GALNTL6: variants seen among roughly 807,000 people sequenced by gnomAD.
The protein encoded by GALNTL6 is polypeptide N-acetylgalactosaminyltransferase like 6.
In GALNTL6, 46 loss-of-function variants were observed where a neutral mutation model predicts 73.7. That is an observed-to-expected ratio of 0.62 (90% confidence interval 0.49 to 0.80). The LOEUF is 0.80. Ranked by LOEUF, GALNTL6 falls within the 30% of genes least tolerant of loss-of-function variation. The probability of loss-of-function intolerance (pLI) is 0.00; values close to 1 mark genes in which losing one functional copy is unlikely to be tolerated. For missense variants in GALNTL6, 604 were observed against 755.0 expected (o/e 0.80, Z 2.34); for synonymous variants, 259 against 263.7 (o/e 0.98, Z 0.17).
chr4:172,811,366 C>G (rs959386277), intron 6 of GALNTL6, among the ~76,000 whole-genome samples: 6 of 152,200 alleles, frequency 3.9e-5, no homozygotes, highest in African/African-American at 1.4e-4. Context: ...GACACATTCT[C>G]TTTGGGTCAC....
chr4:172,476,800 G>A (rs1162147005), intron 5 of GALNTL6, among the ~76,000 whole-genome samples: 2 of 152,022 alleles, frequency 1.3e-5, no homozygotes, highest in African/African-American at 4.8e-5. Flanking sequence ...TAATAAGGTA[G>A]AATATTTCTT....
At chr4:172,537,419 G>T (rs979162785) in intron 5 of GALNTL6, among the ~76,000 whole-genome samples, 2 of 152,110 alleles carry the variant, frequency 1.3e-5, no homozygotes, top group Admixed American at 1.3e-4. Flanking sequence ...TTTTATAAGG[G>T]GCTCCCCCAA....
chr4:172,424,170 A>T (rs538597424), intron 5 of GALNTL6, among the ~76,000 whole-genome samples: 8 of 152,234 alleles, frequency 5.3e-5, no homozygotes, highest in Admixed American at 4.6e-4. Flanking sequence ...ACATACTAAG[A>T]ACATTCAACT....
chr4:172,274,067 T>G (rs1029383742), intron 3 of GALNTL6, among the ~76,000 whole-genome samples: 25 of 152,212 alleles, frequency 1.6e-4, no homozygotes, highest in African/African-American at 5.5e-4. Flanking sequence ...TTTTTCTCAT[T>G]ATGTAGAAAA....
chr4:172,700,443 A>T (rs1024623341), intron 5 of GALNTL6, among the ~76,000 whole-genome samples: 4 of 152,168 alleles, frequency 2.6e-5, no homozygotes, highest in African/African-American at 9.6e-5. Flanking sequence ...GAATGGATGT[A>T]ATTGTAGAGG....
Position 172,159,377 on chromosome 4 carries a change from C to A in GALNTL6, c.139-70279C>A, listed in dbSNP as rs73870457. ...AAAAGGCACACATTAAAGAAATAAT[C>A]GTACAAATAAACACACAATTACAAA... On this transcript the variant is annotated intron_variant, in intron 2 of 12. Coordinates refer to ENST00000506823, the MANE Select transcript of GALNTL6 (RefSeq NM_001034845.3). Among the ~76,000 whole-genome samples the A allele has an allele frequency of 5.2e-3, 790 of 152,130 alleles. 11 individuals are homozygous for A. Among genetic ancestry groups the A allele is most frequent in the African/African-American group, 0.018 (752 of 41,488 alleles).
chr4:172,380,156 A>G, intron 5 of GALNTL6: 4 of 1,046,986 alleles, frequency 3.8e-6, no homozygotes, highest in Non-Finnish European at 6.0e-6. Flanking sequence ...AGCACTTAAC[A>G]AGGCCTGGAT....
At chr4:172,130,353 G>C (rs1733454651) in intron 2 of GALNTL6, among the ~76,000 whole-genome samples, 1 of 151,798 alleles carries the variant, frequency 6.6e-6, no homozygotes. Flanking sequence ...TTCAGGCCAA[G>C]AATCATTTCT....
At chr4:172,550,166 T>C (rs1259253534) in intron 5 of GALNTL6, among the ~76,000 whole-genome samples, 1 of 152,174 alleles carries the variant, frequency 6.6e-6, no homozygotes, top group Non-Finnish European at 1.5e-5. Context: ...CTATTTCTTA[T>C]AGTAAAGATT....
chr4:173,025,295 A>C (rs1351529565), intron 12 of GALNTL6, among the ~76,000 whole-genome samples: 1 of 152,140 alleles, frequency 6.6e-6, no homozygotes, highest in African/African-American at 2.4e-5. Context: ...TGAATTGTTG[A>C]GGCAACCTCA....
intron 5 of GALNTL6, among the ~76,000 whole-genome samples, chr4:172,424,288 T>G (rs1217704873): frequency 3.9e-5 from 6 of 152,138 alleles, no homozygotes; most frequent in Non-Finnish European, 5.9e-5. Flanking sequence ...TTTTGAATAT[T>G]TTACATATCA....
chr4:171,911,075 A>G (rs1262089367), intron 2 of GALNTL6, among the ~76,000 whole-genome samples: 2 of 152,238 alleles, frequency 1.3e-5, no homozygotes, highest in East Asian at 3.8e-4. Flanking sequence ...TTCTATCATT[A>G]GTGAACAATG....
At chr4:172,821,541 A>G (rs1741929693) in intron 7 of GALNTL6, among the ~76,000 whole-genome samples, 1 of 152,220 alleles carries the variant, frequency 6.6e-6, no homozygotes, top group African/African-American at 2.4e-5. Context: ...CATTAGACCA[A>G]ACTAGAGCTG....
intron 5 of GALNTL6, among the ~76,000 whole-genome samples, chr4:172,730,121 G>T (rs1307102246): frequency 6.6e-6 from 1 of 152,166 alleles, no homozygotes; most frequent in Non-Finnish European, 1.5e-5. Context: ...AGTTCTAACA[G>T]TTTTTTGATG....
intron 5 of GALNTL6, among the ~76,000 whole-genome samples, chr4:172,718,501 G>A (rs1709777453): frequency 6.6e-6 from 1 of 151,988 alleles, no homozygotes; most frequent in African/African-American, 2.4e-5. Context: ...AGCCAGGTAT[G>A]GTGGTGTGTG....
rs551211373 is a variant in GALNTL6, at chr4:171,894,736, A to G, written c.138+80018A>G. Among the ~76,000 whole-genome samples the G allele has an allele frequency of 1.9e-3, 287 of 152,282 alleles. 3 individuals are homozygous for G. The highest frequency in any genetic ancestry group is 4.9e-4 in the Non-Finnish European group (33 of 68,020). ...ACAAAGTTGATACTGAATCGCCCCAAAATAGCTTCAAGTGCATTTTTGAAG... is the reference window on the plus strand; with the variant it reads ...ACAAAGTTGATACTGAATCGCCCCAGAATAGCTTCAAGTGCATTTTTGAAG... On this transcript the variant is annotated intron_variant, in intron 2 of 12. Coordinates refer to ENST00000506823, the MANE Select transcript of GALNTL6 (RefSeq NM_001034845.3).
chr4:172,442,787 A>G (rs1397360560), intron 5 of GALNTL6, among the ~76,000 whole-genome samples: 1 of 152,144 alleles, frequency 6.6e-6, no homozygotes, highest in Non-Finnish European at 1.5e-5. Context: ...GCTATTTGCC[A>G]TTAAGATCTA....
intron 5 of GALNTL6, among the ~76,000 whole-genome samples, chr4:172,487,770 A>G (rs1374542203): frequency 1.3e-5 from 2 of 152,182 alleles, no homozygotes; most frequent in African/African-American, 2.4e-5. Context: ...TCAATATATT[A>G]GTAAATTGAA....
chr4:172,533,366 C>T (rs935682565), intron 5 of GALNTL6, among the ~76,000 whole-genome samples: 3 of 127,448 alleles, frequency 2.4e-5, no homozygotes, highest in Non-Finnish European at 4.7e-5. Flanking sequence ...GCTCTGTCGC[C>T]CAGGCTGGAG....
Sources: gnomAD v4.1 joint callset for allele counts (sites outside exome capture counted in the v4.1 genomes callset) on GRCh38, gnomAD v4.1.1 for gene constraint, MANE v1.5 for transcripts, NCBI Gene and HGNC (gene_info 2026-07-23, HGNC 2026-07-21) for gene names.